Variants in CHRM3 observed in about 807,000 individuals in gnomAD.
CHRM3 encodes muscarinic acetylcholine receptor M3.
In CHRM3, 11 loss-of-function variants were observed where a neutral mutation model predicts 41.8. That is an observed-to-expected ratio of 0.26 (90% CI 0.17 to 0.44). CHRM3 has a LOEUF of 0.44. Ranked by LOEUF, CHRM3 falls within the 20% of genes least tolerant of loss-of-function variation. The pLI is 1.00. For missense variants in CHRM3, 571 were observed against 745.4 expected, an observed-to-expected ratio of 0.77 and a Z score of 2.72; for synonymous variants, 297 against 301.4, an observed-to-expected ratio of 0.99 and a Z score of 0.15.
At chr1:239,497,340 G>A (rs1372094121) in intron 2 of CHRM3, among the ~76,000 whole-genome samples, 2 of 152,178 alleles carry the variant, frequency 1.3e-5, no homozygotes, top group African/African-American at 2.4e-5. Context: ...GAGTAATAAT[G>A]GCAGAGGGTG....
At chr1:239,696,135 G>C (rs568567049) in intron 5 of CHRM3, among the ~76,000 whole-genome samples, 77 of 152,158 alleles carry the variant, frequency 5.1e-4, no homozygotes, top group African/African-American at 1.8e-3. Flanking sequence ...CCTGGCCTTG[G>C]GTGGGACATT....
chr1:239,431,689 A>G (rs1662845702), intron 1 of CHRM3, among the ~76,000 whole-genome samples: 1 of 152,236 alleles, frequency 6.6e-6, no homozygotes, highest in South Asian at 2.1e-4. Context: ...ATTAAGTGCT[A>G]TGAAAGATAC....
chr1:239,779,435 C>G (rs1470307523), intron 5 of CHRM3, among the ~76,000 whole-genome samples: 1 of 152,198 alleles, frequency 6.6e-6, no homozygotes, highest in South Asian at 2.1e-4. Flanking sequence ...TAGTATCATA[C>G]AGAATAGTTT....
intron 2 of CHRM3, among the ~76,000 whole-genome samples, chr1:239,493,228 A>G (rs1269158577): frequency 6.6e-6 from 1 of 152,194 alleles, no homozygotes; most frequent in African/African-American, 2.4e-5. Flanking sequence ...CATTGCTGAT[A>G]TATTAGTACC....
At chr1:239,898,497 A>G (rs1184849081) in intron 6 of CHRM3, 2 of 152,254 alleles carry the variant, frequency 1.3e-5, no homozygotes, top group Non-Finnish European at 2.9e-5. Context: ...ACAAATAGGG[A>G]AGAGGCACTA....
intron 5 of CHRM3, among the ~76,000 whole-genome samples, chr1:239,687,000 G>A (rs920044745): frequency 6.6e-6 from 1 of 151,986 alleles, no homozygotes; most frequent in Admixed American, 6.6e-5. Context: ...AATATATGAT[G>A]CTCTCTTAAG....
chr1:239,452,496 A>T (rs1664626194), intron 1 of CHRM3, among the ~76,000 whole-genome samples: 1 of 152,230 alleles, frequency 6.6e-6, no homozygotes, highest in South Asian at 2.1e-4. Context: ...GCAGGATTCT[A>T]AGTATGTTCT....
chr1:239,783,053 A>C (rs1668623781), intron 5 of CHRM3, among the ~76,000 whole-genome samples: 1 of 152,122 alleles, frequency 6.6e-6, no homozygotes, highest in South Asian at 2.1e-4. Flanking sequence ...TGCTTCATAT[A>C]AACTTGAGAA....
chr1:239,516,693 G>A (rs1273062440), intron 2 of CHRM3, among the ~76,000 whole-genome samples: 1 of 152,182 alleles, frequency 6.6e-6, no homozygotes, highest in Non-Finnish European at 1.5e-5. Context: ...CCACAGATAG[G>A]TACTGGTCTG....
intron 2 of CHRM3, among the ~76,000 whole-genome samples, chr1:239,540,128 A>G (rs1220355107): frequency 1.3e-5 from 2 of 152,174 alleles, no homozygotes; most frequent in Non-Finnish European, 2.9e-5. Flanking sequence ...CACAACAAGG[A>G]AGTCACCTAA....
intron 1 of CHRM3, among the ~76,000 whole-genome samples, chr1:239,440,505 T>G (rs1663634170): frequency 6.6e-6 from 1 of 152,096 alleles, no homozygotes; most frequent in Non-Finnish European, 1.5e-5. Flanking sequence ...GACCAGAAAA[T>G]GCAGGTAGGA....
At chr1:239,435,925 G>A (rs564143291) in intron 1 of CHRM3, among the ~76,000 whole-genome samples, 3 of 152,254 alleles carry the variant, frequency 2.0e-5, no homozygotes, top group African/African-American at 7.2e-5. Context: ...CAAACTCAGG[G>A]GTTGAGGTGG....
chr1:239,513,789 T>G (rs570485919), intron 2 of CHRM3, among the ~76,000 whole-genome samples: 2 of 152,316 alleles, frequency 1.3e-5, no homozygotes, highest in South Asian at 4.1e-4. Context: ...TGATCCATTT[T>G]GGATAAAATT....
intron 6 of CHRM3, among the ~76,000 whole-genome samples, chr1:239,866,266 A>T (rs1676092484): frequency 6.6e-6 from 1 of 152,012 alleles, no homozygotes; most frequent in African/African-American, 2.4e-5. Context: ...AGTCCCAGCT[A>T]CTCGGGAGGC....
chr1:239,491,549 A>G (rs574061215), intron 1 of CHRM3, among the ~76,000 whole-genome samples: 1 of 152,192 alleles, frequency 6.6e-6, no homozygotes, highest in Non-Finnish European at 1.5e-5. Context: ...ATAGTATTCC[A>G]TTATATATAC....
At chr1:239,858,984 C>A (rs1675354769) in intron 6 of CHRM3, among the ~76,000 whole-genome samples, 1 of 152,182 alleles carries the variant, frequency 6.6e-6, no homozygotes, top group Admixed American at 6.5e-5. Context: ...CATTTTTATC[C>A]ATTCATCAGT....
At chr1:239,835,132 C>T (rs1480201136) in intron 6 of CHRM3, among the ~76,000 whole-genome samples, 1 of 152,116 alleles carries the variant, frequency 6.6e-6, no homozygotes, top group Non-Finnish European at 1.5e-5. Context: ...AAACATGTTT[C>T]CCCCTTTAGC....
chr1:239,720,104 C>CT (rs1462772175), intron 5 of CHRM3: 1 of 151,896 alleles, frequency 6.6e-6, no homozygotes, highest in Non-Finnish European at 1.5e-5. Context: ...AGAGCTAAGA[C>CT]TTGCAAACCG....
At chr1:239,567,305 G>GA (rs34425115) in intron 3 of CHRM3, among the ~76,000 whole-genome samples, 63,963 of 140,582 alleles carry the variant, frequency 0.45, 14,392 homozygotes, top group East Asian at 0.6. Context: ...GACCTCATCT[G>GA]AAAAAAAAAA....
Sources: allele counts gnomAD v4.1 joint callset (sites outside exome capture counted in the v4.1 genomes callset), GRCh38; gene constraint gnomAD v4.1.1; transcripts MANE v1.5; gene names NCBI Gene and HGNC (gene_info 2026-07-23, HGNC 2026-07-21).